RNF19B: variants seen among roughly 807,000 people sequenced by gnomAD.
RNF19B encodes the protein E3 ubiquitin-protein ligase RNF19B.
In RNF19B, 23 loss-of-function variants were observed where a neutral mutation model predicts 65.5. That is an observed-to-expected ratio of 0.35 (90% confidence interval 0.25 to 0.50). RNF19B has a LOEUF of 0.50. Among genes scored for constraint, RNF19B ranks in the 20% least tolerant of loss-of-function variants. The probability of loss-of-function intolerance (pLI) is 0.98; values close to 1 mark genes in which losing one functional copy is unlikely to be tolerated. For synonymous variants in RNF19B, 372 were observed against 379.6 expected (o/e 0.98, Z 0.23); for missense variants, 794 against 980.0 (o/e 0.81, Z 2.53).
In RNF19B at chr1:32,936,917, G is replaced by T. The variant is rs201577562; in HGVS notation, c.2085C>A (p.Pro695=). 1 of 1,614,102 alleles carries T rather than the reference G, an allele frequency of 6.2e-7. No homozygotes were observed. The highest frequency in any genetic ancestry group is 8.5e-7 in the Non-Finnish European group (1 of 1,180,014). Residue 695 remains proline (P), a synonymous_variant, in exon 9 of 9, where the codon CCC becomes CCA. Transcript: ENST00000235150. The stretch of plus-strand genomic sequence containing the variant: ...GTGCACCTTGGGCTCTGGGGGTCGA[G>T]GGGCAGGCTGCAGTATGGGAGCGGG... ...GSPRSHTAAC[P]STPRAQGAPS...
In RNF19B at chr1:32,949,560, A is replaced by G. The variant is rs1253468996; in HGVS notation, c.841+9T>C. ...AATAAAGAGACAATGAGATAATGCC[A>G]ACTTATACCTGGTCCAGATTCTTGC... is the stretch of plus-strand genomic sequence containing the variant. On this transcript the variant is annotated intron_variant, in intron 2 of 8. Coordinates refer to ENST00000235150, the MANE Select transcript of RNF19B (RefSeq NM_001300826.2). 6.2e-7 allele frequency: 1 copy of G among 1,613,196 alleles called. No individual in the cohort carries two copies. Among genetic ancestry groups the G allele is most frequent in the East Asian group, 2.2e-5 (1 of 44,876 alleles).
chr1:32,949,512 T>C (rs1242909486), intron 2 of RNF19B, 57 bp downstream of exon 2: 5 of 1,463,056 alleles, frequency 3.4e-6, no homozygotes, highest in East Asian at 2.3e-5. Flanking sequence ...CTTTCAGCTA[T>C]GGGCTCACAT....
rs2124201216 is a variant in RNF19B, at chr1:32,964,178, G to A, written c.508C>T (p.Leu170Phe). 6.5e-7 allele frequency: 1 copy of A among 1,546,350 alleles called. No homozygotes were observed. ...PISCPECSERLNPHDIRLLLA... is the reference protein window; with the variant it reads ...PISCPECSERFNPHDIRLLLA... The stretch of plus-strand genomic sequence containing the variant: ...AGCAAGCGGATGTCGTGCGGGTTGA[G>A]TCGCTCGCTGCACTCGGGGCAGCTG... Residue 170 changes from leucine (L) to phenylalanine (F), a missense_variant, in exon 1 of 9, where the codon CTC becomes TTC. Coordinates refer to ENST00000235150, the MANE Select transcript of RNF19B (RefSeq NM_001300826.2). This position sits in a 1 kb window ranked among gnomAD's most constrained non-coding sequence, Gnocchi z 6.5.
intron 1 of RNF19B, among the ~76,000 whole-genome samples, chr1:32,956,426 C>T (rs908403493): frequency 2.5e-4 from 37 of 150,226 alleles, no homozygotes; most frequent in Admixed American, 3.3e-4. Flanking sequence ...GGCGCGGTGG[C>T]GTGTGGTGGC....
intron 1 of RNF19B, among the ~76,000 whole-genome samples, chr1:32,958,799 T>A (rs975806729): frequency 1.3e-5 from 2 of 151,974 alleles, no homozygotes; most frequent in African/African-American, 4.8e-5. Flanking sequence ...AAAGACATAA[T>A]AAGAACTCAT....
intron 1 of RNF19B, among the ~76,000 whole-genome samples, chr1:32,953,578 C>T (rs1355265055): frequency 6.6e-6 from 1 of 152,006 alleles, no homozygotes; most frequent in Non-Finnish European, 1.5e-5. Flanking sequence ...TGTATTAAAA[C>T]TCTTTTCAGA....
At position 32,936,755 on chromosome 1, in the gene RNF19B, A is replaced by G; in HGVS notation, c.*51T>C. ...TTGGAAAAAAAAAAAAAAAAATTCC[A>G]AAAGATGCAGTTACAAGTGTGCTTC... On this transcript the variant is annotated 3_prime_UTR_variant, in exon 9 of 9. Transcript: ENST00000235150. The G allele has an allele frequency of 7.0e-7, 1 of 1,419,846 alleles. No homozygotes were observed. Among genetic ancestry groups the G allele is most frequent in the Non-Finnish European group, 9.3e-7 (1 of 1,076,484 alleles). 88.0% of individuals were successfully genotyped at this position (1,419,846 alleles called of 1,614,324 possible). A position where few individuals can be genotyped will look rare whatever the true frequency, so the allele number is the denominator to read the frequency against.
In RNF19B at chr1:32,961,975, GT is replaced by G. The variant is rs543372858; in HGVS notation, c.635+2075del. 1.9e-3 allele frequency among the ~76,000 whole-genome samples: 274 copies of G among 145,616 alleles called. 1 individual carries two copies. The highest frequency in any genetic ancestry group is 5.9e-3 in the African/African-American group (237 of 40,020). ...TCCAAAATTAACTATGCAGTGTTTT[GT>G]TTTTTTTTTTTCTTGAGACAGAATC... On this transcript the variant is annotated intron_variant, in intron 1 of 8. Coordinates refer to ENST00000235150, the MANE Select transcript of RNF19B (RefSeq NM_001300826.2).
chr1:32,959,945 G>A (rs572414078), intron 1 of RNF19B, among the ~76,000 whole-genome samples: 1 of 151,774 alleles, frequency 6.6e-6, no homozygotes, highest in Non-Finnish European at 1.5e-5. Context: ...CAGCTACTCA[G>A]GAGGCTGAGG....
downstream of RNF19B, among the ~76,000 whole-genome samples, chr1:32,935,573 T>C (rs1226657147): frequency 2.0e-5 from 3 of 152,190 alleles, no homozygotes; most frequent in Non-Finnish European, 4.4e-5. Flanking sequence ...AATCTCAGAT[T>C]TTAGTCCCTT....
intron 1 of RNF19B, among the ~76,000 whole-genome samples, chr1:32,954,143 T>C (rs1049287906): frequency 6.6e-6 from 1 of 151,350 alleles, no homozygotes; most frequent in Admixed American, 6.6e-5. Context: ...ACTCCTGGCC[T>C]TCAAGTGATC....
In RNF19B at chr1:32,938,543, G is replaced by T; in HGVS notation, c.1611-15C>A. 4 of 1,612,662 alleles carry T rather than the reference G, an allele frequency of 2.5e-6. No homozygotes were observed. The highest frequency in any genetic ancestry group is 3.4e-6 in the Non-Finnish European group (4 of 1,178,848). On this transcript the variant is annotated splice_polypyrimidine_tract_variant and intron_variant, in intron 7 of 8. Coordinates refer to ENST00000235150, the MANE Select transcript of RNF19B (RefSeq NM_001300826.2). ...GAACTTCTAACCTGTGTAAAGAGGG[G>T]ACGTTCAAGTTAATATGAGACCTGG...
At chr1:32,950,802 G>T (rs187212360) in intron 1 of RNF19B, among the ~76,000 whole-genome samples, 60 of 151,456 alleles carry the variant, frequency 4.0e-4, no homozygotes, top group Non-Finnish European at 7.4e-4. Flanking sequence ...CTCCCAAAGT[G>T]CTGGAATTAC....
At chr1:32,946,873 T>A (rs1036196852) in intron 3 of RNF19B, among the ~76,000 whole-genome samples, 1 of 152,234 alleles carries the variant, frequency 6.6e-6, no homozygotes, top group Non-Finnish European at 1.5e-5. Context: ...TGACAATACT[T>A]GGGATGCTGC....
chr1:32,959,160 G>A (rs1321487440), intron 1 of RNF19B, among the ~76,000 whole-genome samples: 1 of 152,158 alleles, frequency 6.6e-6, no homozygotes, highest in East Asian at 1.9e-4. Context: ...AGTTGTCTGG[G>A]AAGGCCAATA....
At chr1:32,945,343 T>C (rs554855194) in intron 5 of RNF19B, among the ~76,000 whole-genome samples, 171 bp downstream of exon 5, 8 of 152,302 alleles carry the variant, frequency 5.3e-5, no homozygotes, top group Non-Finnish European at 7.4e-5. Flanking sequence ...CTCTGATAAT[T>C]TGGTGTGCTT....
At chr1:32,938,355 G>A (rs1200846698) in intron 8 of RNF19B, 42 bp downstream of exon 8, 12 of 1,613,042 alleles carry the variant, frequency 7.4e-6, no homozygotes, top group Middle Eastern at 1.6e-4. Flanking sequence ...AGTACCCAAC[G>A]AAAAAATGCA....
At chr1:32,940,082 A>T (rs961796567) in intron 7 of RNF19B, among the ~76,000 whole-genome samples, 2 of 152,204 alleles carry the variant, frequency 1.3e-5, no homozygotes, top group African/African-American at 4.8e-5. Flanking sequence ...CCCTTCAAAA[A>T]TGTGCCAAGG....
intron 1 of RNF19B, among the ~76,000 whole-genome samples, chr1:32,952,769 C>T (rs1642538535): frequency 6.8e-6 from 1 of 147,170 alleles, no homozygotes; most frequent in Non-Finnish European, 1.5e-5. Context: ...AAAAATCAGC[C>T]AGGTATGGTG....
Sources: allele counts gnomAD v4.1 joint callset (sites outside exome capture counted in the v4.1 genomes callset), GRCh38; gene constraint gnomAD v4.1.1; non-coding constraint Gnocchi (gnomAD v3.1); transcripts MANE v1.5; gene names NCBI Gene and HGNC (gene_info 2026-07-23, HGNC 2026-07-21).